TSKS: variants seen among roughly 807,000 people sequenced by gnomAD.
The protein encoded by TSKS is testis-specific serine kinase substrate.
In TSKS, 27 loss-of-function variants were observed where a neutral mutation model predicts 68.0. The ratio of observed to expected loss-of-function variants is 0.40; its 90% CI spans 0.29 to 0.55. The LOEUF (loss-of-function observed/expected upper bound fraction) is 0.55. Ranked by LOEUF, TSKS falls within the 20% of genes least tolerant of loss-of-function variation. TSKS has a pLI of 0.53. For synonymous variants in TSKS, 331 were observed against 340.4 expected, an observed-to-expected ratio of 0.97 and a Z score of 0.30; for missense variants, 806 against 776.0, an observed-to-expected ratio of 1.04 and a Z score of -0.46.
intron 2 of TSKS, among the ~76,000 whole-genome samples, chr19:49,756,686 C>G (rs75521062): frequency 6.6e-6 from 1 of 152,140 alleles, no homozygotes; most frequent in Admixed American, 6.6e-5. Flanking sequence ...TCCATAAATT[C>G]TTTCACATTC....
chr19:49,742,088 T>C, intron 8 of TSKS, 68 bp from the exon 9 acceptor site: 1 of 1,577,800 alleles, frequency 6.3e-7, no homozygotes, highest in Non-Finnish European at 8.6e-7. Flanking sequence ...TGCCCCATGC[T>C]CACCTGTGGA....
chr19:49,756,421 T>A lies in TSKS; in HGVS notation c.399+5583A>T, dbSNP rs562094951. Among the ~76,000 whole-genome samples, 4 of 152,114 alleles carry A rather than the reference T, an allele frequency of 2.6e-5. No homozygotes were observed. The East Asian group carries it at 7.7e-4, about 29-fold the overall frequency. On this transcript the variant is annotated intron_variant, in intron 2 of 10. Coordinates refer to ENST00000246801, the MANE Select transcript of TSKS (RefSeq NM_021733.2). ...CTGCAGTGAGCTATGATGGCACCATTGCACTCCAACCTGGGCAATGGAGCA... is the reference window on the plus strand; with the variant it reads ...CTGCAGTGAGCTATGATGGCACCATAGCACTCCAACCTGGGCAATGGAGCA...
chr19:49,752,109 C>T (rs573188316), intron 2 of TSKS, among the ~76,000 whole-genome samples: 29 of 151,978 alleles, frequency 1.9e-4, no homozygotes, highest in South Asian at 4.2e-4. Context: ...CCAGGCTGAG[C>T]GTGGTGGTTC....
intron 5 of TSKS, chr19:49,747,073 G>A (rs763898978): frequency 7.0e-7 from 1 of 1,434,420 alleles, no homozygotes; most frequent in Admixed American, 2.1e-5. Context: ...CGGCCACTTG[G>A]CAAGAACAAC....
At chr19:49,757,328 G>C (rs2084400127) in intron 2 of TSKS, among the ~76,000 whole-genome samples, 1 of 152,180 alleles carries the variant, frequency 6.6e-6, no homozygotes, top group South Asian at 2.1e-4. Context: ...GCAACCTCGT[G>C]AGACGCCCTG....
rs748020438 is a variant in TSKS at position 49,746,514 on chromosome 19, G to A, written c.948C>T (p.Ser316=). 5.6e-6 allele frequency: 9 copies of A among 1,613,736 alleles called. No individual in the cohort carries two copies. The highest frequency in any genetic ancestry group is 1.7e-5 in the Admixed American group (1 of 60,008). The change falls in exon 6 of 11, where the codon AGC becomes AGT. Residue 316 remains serine (S), a synonymous_variant. Transcript: ENST00000246801. ...GPRAGEGPYV[S]EQELQKLFTG... ...TGAACAGCTTCTGCAATTCCTGCTCGCTCACGTAGGGGCCCTCGCCAGCCC... is the reference window on the plus strand; with the variant it reads ...TGAACAGCTTCTGCAATTCCTGCTCACTCACGTAGGGGCCCTCGCCAGCCC...
At position 49,746,629 on chromosome 19, in the gene TSKS, G is replaced by C; in HGVS notation, c.833C>G (p.Thr278Arg). 5 of 1,609,872 alleles carry C rather than the reference G, an allele frequency of 3.1e-6. No individual in the cohort carries two copies. Among genetic ancestry groups the C allele is most frequent in the Non-Finnish European group, 4.2e-6 (5 of 1,179,562 alleles). The change falls in exon 6 of 11, where the codon ACG becomes AGG. Residue 278 changes from threonine (T) to arginine (R), a missense_variant. Thr to Arg is a moderately conservative substitution (Grantham distance 71, BLOSUM62 -1). Coordinates refer to ENST00000246801, the MANE Select transcript of TSKS (RefSeq NM_021733.2). ...LSWNSLGPAA[T>R]SQGCPGPPGS... ...TGGCGGGCCGGGGCAGCCCTGGGAC[G>C]TGGCGGCGGGGCCCAGGCTGTTCCA...
chr19:49,762,033 G>A lies in TSKS; in HGVS notation c.370C>T (p.Pro124Ser). 1 of 1,614,052 alleles carries A rather than the reference G, an allele frequency of 6.2e-7. No homozygotes were observed. Among genetic ancestry groups the A allele is most frequent in the African/African-American group, 1.3e-5 (1 of 75,054 alleles). Reference sequence around the variant, plus strand: ...ATTTCCGTGATGTCTGCGTCATCCGGATCCCAGGGTAGGGTAGGGGAGGCA... The same window carrying A: ...ATTTCCGTGATGTCTGCGTCATCCGAATCCCAGGGTAGGGTAGGGGAGGCA... Reference protein sequence around the residue: ...PPASPTLPWDPDDADITEILS... With the variant: ...PPASPTLPWDSDDADITEILS... The change falls in exon 2 of 11, where the codon CCG becomes TCG. Residue 124 changes from proline (P) to serine (S), a missense_variant. Transcript: ENST00000246801.
Position 49,746,480 on chromosome 19 carries a change from C to G in TSKS, c.982G>C (p.Glu328Gln), listed in dbSNP as rs2084301425. 6 of 1,613,838 alleles carry G rather than the reference C, an allele frequency of 3.7e-6. No homozygotes were observed. In the South Asian group the frequency reaches 4.4e-5, roughly 12 times the overall value. Residue 328 changes from glutamate to glutamine, a missense_variant, in exon 6 of 11, where the codon GAA becomes CAA. Transcript: ENST00000246801. Reference protein sequence around the residue: ...QELQKLFTGIEELRREVSSLT... With the variant: ...QELQKLFTGIQELRREVSSLT... The stretch of plus-strand genomic sequence containing the variant: ...CTAGGTCCCGCCCACCTCAGCTCTT[C>G]GATGCCGGTGAACAGCTTCTGCAAT...
In TSKS at chr19:49,763,256, G is replaced by T; in HGVS notation, c.-9C>A. ...ACCACCACGCTCGCCATGGTGTGGG[G>T]GTCTGGCTCCCAGGGAGGGGCTCCT... On this transcript the variant is annotated 5_prime_UTR_variant, in exon 1 of 11. Coordinates refer to ENST00000246801, the MANE Select transcript of TSKS (RefSeq NM_021733.2). The surrounding 1 kb of genome is among the most constrained non-coding windows in gnomAD (Gnocchi z 4.5). 20 of 1,482,118 alleles carry T rather than the reference G, an allele frequency of 1.3e-5. No homozygotes were observed. Among genetic ancestry groups the T allele is most frequent in the Non-Finnish European group, 1.8e-5 (20 of 1,118,378 alleles). 91.8% of individuals were successfully genotyped at this position (1,482,118 alleles called of 1,614,324 possible). A position where few individuals can be genotyped will look rare whatever the true frequency, so the allele number is the denominator to read the frequency against.
At chr19:49,760,775 G>A (rs1333417493) in intron 2 of TSKS, among the ~76,000 whole-genome samples, 1 of 151,040 alleles carries the variant, frequency 6.6e-6, no homozygotes, top group Non-Finnish European at 1.5e-5. Flanking sequence ...GGGAGACAGA[G>A]CAAGACCCTG....
chr19:49,744,473 A>T, intron 7 of TSKS, 69 bp from the exon 8 acceptor site: 11 of 1,520,756 alleles, frequency 7.2e-6, no homozygotes, highest in Non-Finnish European at 9.9e-6. Context: ...GACTCCACCC[A>T]TTATTAGCCC....
In TSKS at chr19:49,763,273, G is replaced by C; in HGVS notation, c.-26C>G. 1 of 1,473,998 alleles carries C rather than the reference G, an allele frequency of 6.8e-7. No homozygotes were observed. Among genetic ancestry groups the C allele is most frequent in the Non-Finnish European group, 9.0e-7 (1 of 1,116,178 alleles). 91.3% of individuals were successfully genotyped at this position (1,473,998 alleles called of 1,614,324 possible). A position where few individuals can be genotyped will look rare whatever the true frequency, so the allele number is the denominator to read the frequency against. On this transcript the variant is annotated 5_prime_UTR_variant, in exon 1 of 11. Transcript: ENST00000246801. This position sits in a 1 kb window ranked among gnomAD's most constrained non-coding sequence, Gnocchi z 4.5. ...GGTGTGGGGGTCTGGCTCCCAGGGA[G>C]GGGCTCCTTCCTCTGAGACTTCCTA...
Position 49,745,252 on chromosome 19 carries a change from C to G in TSKS, c.1137G>C (p.Thr379=), listed in dbSNP as rs539802551. ...WERAQREQAQ[T]ARDLQELRGR... ...CTCGCAGCTCCTGCAAGTCCCGCGC[C>G]GTCTGTGCCTGTTCGCGCTGTGCCC... The change falls in exon 7 of 11, where the codon ACG becomes ACC. Residue 379 remains threonine (T), a synonymous_variant. Transcript: ENST00000246801. 1.2e-6 allele frequency: 2 copies of G among 1,607,726 alleles called. No individual in the cohort carries two copies. The highest frequency in any genetic ancestry group is 1.7e-6 in the Non-Finnish European group (2 of 1,178,840).
intron 8 of TSKS, among the ~76,000 whole-genome samples, chr19:49,743,014 G>C (rs961835686): frequency 6.6e-6 from 1 of 151,570 alleles, no homozygotes; most frequent in Non-Finnish European, 1.5e-5. Flanking sequence ...CTGAAACCCT[G>C]CCTCTCCTCA....
chr19:49,751,120 G>A (rs1405259873), intron 2 of TSKS, among the ~76,000 whole-genome samples: 1 of 151,508 alleles, frequency 6.6e-6, no homozygotes, highest in Admixed American at 6.6e-5. Context: ...CCTGACCAAC[G>A]TGGTGGAGCC....
chr19:49,747,915 G>A (rs1046276120), intron 4 of TSKS, among the ~76,000 whole-genome samples, 170 bp downstream of exon 4: 1 of 152,026 alleles, frequency 6.6e-6, no homozygotes, highest in Non-Finnish European at 1.5e-5. Flanking sequence ...CACCATGTTG[G>A]CCAGGCTGGT....
At chr19:49,740,828 G>A (rs1034024120) in intron 9 of TSKS, among the ~76,000 whole-genome samples, 1 of 149,816 alleles carries the variant, frequency 6.7e-6, no homozygotes, top group African/African-American at 2.5e-5. Context: ...AGGTTGCAAC[G>A]AGCCAAGATG....
intron 8 of TSKS, among the ~76,000 whole-genome samples, chr19:49,743,791 C>T (rs148060657): frequency 3.9e-5 from 6 of 152,206 alleles, no homozygotes; most frequent in African/African-American, 1.2e-4. Context: ...TGAGCCACCG[C>T]GCCCAGCCTG....
Sources: allele counts gnomAD v4.1 joint callset (sites outside exome capture counted in the v4.1 genomes callset), GRCh38; gene constraint gnomAD v4.1.1; non-coding constraint Gnocchi (gnomAD v3.1); transcripts MANE v1.5; gene names NCBI Gene and HGNC (gene_info 2026-07-23, HGNC 2026-07-21).